SCN8A: variants seen among roughly 807,000 people sequenced by gnomAD.
SCN8A encodes the protein sodium channel protein type 8 subunit alpha.
In SCN8A, 30 loss-of-function variants were observed where a neutral mutation model predicts 184.1. The ratio of observed to expected loss-of-function variants is 0.16; its 90% CI spans 0.12 to 0.22. The LOEUF (loss-of-function observed/expected upper bound fraction) is 0.22. SCN8A is among the 10% of genes least tolerant of loss of function. The pLI, the probability that SCN8A is intolerant of heterozygous loss-of-function variation, is 1.00. For missense variants in SCN8A, 1,057 were observed against 2,498.9 expected, an observed-to-expected ratio of 0.42 and a Z score of 12.30; for synonymous variants, 852 against 907.0, an observed-to-expected ratio of 0.94 and a Z score of 1.09.
intron 6 of SCN8A, among the ~76,000 whole-genome samples, chr12:51,695,441 A>C (rs988967967): frequency 6.6e-6 from 1 of 152,236 alleles, no homozygotes; most frequent in Non-Finnish European, 1.5e-5. Context: ...ATTTGGGTCC[A>C]TCTCCAGGAA....
intron 1 of SCN8A, among the ~76,000 whole-genome samples, chr12:51,607,782 T>G (rs868464962): frequency 6.6e-6 from 1 of 152,248 alleles, no homozygotes; most frequent in African/African-American, 2.4e-5. Context: ...GAAACCCACT[T>G]GATCATGGTG....
intron 12 of SCN8A, among the ~76,000 whole-genome samples, chr12:51,741,299 TC>T (rs1942418882): frequency 6.6e-6 from 1 of 152,210 alleles, no homozygotes; most frequent in Admixed American, 6.5e-5. Flanking sequence ...TTTTTTGGTT[TC>T]CATTGGCATG....
chr12:51,681,530 C>G (rs1284881995), intron 2 of SCN8A, among the ~76,000 whole-genome samples: 1 of 152,148 alleles, frequency 6.6e-6, no homozygotes. Context: ...CTGTTTGTTT[C>G]TTTGAGAAGC....
chr12:51,727,423 A>G (rs184157568), intron 12 of SCN8A, among the ~76,000 whole-genome samples: 426 of 152,284 alleles, frequency 2.8e-3, no homozygotes, highest in Non-Finnish European at 3.5e-3. Flanking sequence ...AAAAACCAAA[A>G]AACACTGAAA....
At chr12:51,714,861 G>A (rs2138767589) in intron 11 of SCN8A, among the ~76,000 whole-genome samples, 2 of 152,332 alleles carry the variant, frequency 1.3e-5, no homozygotes, top group South Asian at 4.1e-4. Context: ...GGAATTCATA[G>A]TTTAACTGTG....
chr12:51,686,564 C>A, intron 4 of SCN8A, 107 bp downstream of exon 4: 2 of 714,884 alleles, frequency 2.8e-6, no homozygotes, highest in Non-Finnish European at 2.4e-6. Flanking sequence ...TTAGTTATTG[C>A]CTCTCTTTAT....
chr12:51,769,719 T>C (rs1441988554), intron 17 of SCN8A, 149 bp from the exon 18 acceptor site: 4 of 647,242 alleles, frequency 6.2e-6, no homozygotes, highest in African/African-American at 1.8e-5. Context: ...TGGGGGCCCG[T>C]GGATATGGTT....
intron 25 of SCN8A, among the ~76,000 whole-genome samples, chr12:51,792,467 G>A (rs1938286573): frequency 7.3e-6 from 1 of 137,126 alleles, no homozygotes; most frequent in African/African-American, 2.7e-5. Context: ...CCAGCCTGGG[G>A]AAGACAGCGA....
rs761481221 is a variant in SCN8A at position 51,786,842 on chromosome 12, G to A, written c.4227+16G>A. ...TCTTCAAGTAGTAAGTAGTGTTTTTGTTTTTGTTTTTTCAGTTCTGTGAAA... is the reference window on the plus strand; with the variant it reads ...TCTTCAAGTAGTAAGTAGTGTTTTTATTTTTGTTTTTTCAGTTCTGTGAAA... On this transcript the variant is annotated intron_variant, in intron 22 of 26. Transcript: ENST00000627620. The A allele has an allele frequency of 3.7e-6, 6 of 1,602,030 alleles. No individual in the cohort carries two copies. Among genetic ancestry groups the A allele is most frequent in the Non-Finnish European group, 5.1e-6 (6 of 1,176,234 alleles).
intron 14 of SCN8A, among the ~76,000 whole-genome samples, chr12:51,757,474 G>C (rs2138849113): frequency 6.6e-6 from 1 of 152,272 alleles, no homozygotes; most frequent in East Asian, 1.9e-4. Context: ...AAATAAGGCT[G>C]AATTTTTTCT....
At chr12:51,634,838 C>T (rs1054851096) in intron 1 of SCN8A, among the ~76,000 whole-genome samples, 3 of 151,232 alleles carry the variant, frequency 2.0e-5, no homozygotes, top group Non-Finnish European at 4.4e-5. Flanking sequence ...TTAGTAGAGA[C>T]AGGGTTTCAC....
At chr12:51,658,321 T>C (rs1940862378) in intron 1 of SCN8A, among the ~76,000 whole-genome samples, 2 of 152,062 alleles carry the variant, frequency 1.3e-5, no homozygotes, top group South Asian at 4.1e-4. Flanking sequence ...GGGGAGATCT[T>C]TCACCTTCCT....
rs949606728 is a variant in SCN8A, at chr12:51,697,244, G to A, written c.707-2326G>A. The stretch of plus-strand genomic sequence containing the variant: ...TTTGTGGCCACAGTCTCCATGGAAG[G>A]CTCACTCTAAGAAAGCACAGGACTC... On this transcript the variant is annotated intron_variant, in intron 6 of 26. Coordinates refer to ENST00000627620, the MANE Select transcript of SCN8A (RefSeq NM_001330260.2). Among the ~76,000 whole-genome samples the A allele has an allele frequency of 2.6e-5, 4 of 152,142 alleles. No homozygotes were observed. In the East Asian group the frequency reaches 7.7e-4, roughly 29 times the overall value.
chr12:51,751,591 C>T lies in SCN8A; in HGVS notation c.2368C>T (p.Leu790=). Residue 790 remains leucine (L), a splice_region_variant and synonymous_variant, in exon 14 of 27, where the codon CTG becomes TTG. Transcript: ENST00000627620. ...QFEHVLAVGN[L]VFTGIFTAEM... Reference sequence around the variant, plus strand: ...TGAACATGTCTTGGCTGTAGGAAATCTGGTAAGATGGAACACTGTCTCCCG... The same window carrying T: ...TGAACATGTCTTGGCTGTAGGAAATTTGGTAAGATGGAACACTGTCTCCCG... 1.2e-6 allele frequency: 2 copies of T among 1,605,282 alleles called. No homozygotes were observed. The highest frequency in any genetic ancestry group is 1.7e-6 in the Non-Finnish European group (2 of 1,172,170).
At chr12:51,694,187 C>T (rs1389259050) in intron 6 of SCN8A, among the ~76,000 whole-genome samples, 1 of 152,212 alleles carries the variant, frequency 6.6e-6, no homozygotes, top group Non-Finnish European at 1.5e-5. Context: ...CCCACCTTGG[C>T]CTCCCAAAGT....
At chr12:51,627,826 T>G (rs1940112838) in intron 1 of SCN8A, among the ~76,000 whole-genome samples, 1 of 152,252 alleles carries the variant, frequency 6.6e-6, no homozygotes, top group Non-Finnish European at 1.5e-5. Context: ...TATTTTTGAA[T>G]GAGTTAGTCT....
chr12:51,703,567 T>C (rs1941728548), intron 9 of SCN8A, among the ~76,000 whole-genome samples: 1 of 152,242 alleles, frequency 6.6e-6, no homozygotes, highest in Non-Finnish European at 1.5e-5. Flanking sequence ...TCAAGCAGGT[T>C]GTACAGATAA....
chr12:51,615,425 A>C (rs946052603), intron 1 of SCN8A, among the ~76,000 whole-genome samples: 1 of 152,114 alleles, frequency 6.6e-6, no homozygotes, highest in South Asian at 2.1e-4. Flanking sequence ...GTGGTGGCTC[A>C]TGCCTGTGGT....
chr12:51,748,398 T>A (rs1358482926), intron 13 of SCN8A, among the ~76,000 whole-genome samples: 1 of 152,148 alleles, frequency 6.6e-6, no homozygotes, highest in Admixed American at 6.5e-5. Flanking sequence ...CCATTCCTAT[T>A]GCAAACATGC....
Sources: allele counts gnomAD v4.1 joint callset (sites outside exome capture counted in the v4.1 genomes callset), GRCh38; gene constraint gnomAD v4.1.1; transcripts MANE v1.5; gene names NCBI Gene and HGNC (gene_info 2026-07-23, HGNC 2026-07-21).